SLC35F4: variants seen among roughly 807,000 people sequenced by gnomAD.
SLC35F4 encodes the protein chromosome 14 open reading frame 36.
Under a neutral mutation model 44.2 loss-of-function variants are expected in SLC35F4, and 24 were observed. The observed-to-expected ratio is 0.54, with a 90% confidence interval of 0.39 to 0.76. SLC35F4 has a LOEUF of 0.76. Among genes scored for constraint, SLC35F4 ranks in the 30% least tolerant of loss-of-function variants. The pLI, the probability that SLC35F4 is intolerant of heterozygous loss-of-function variation, is 0.00. For synonymous variants in SLC35F4, 238 were observed against 223.6 expected, an observed-to-expected ratio of 1.06 and a Z score of -0.57; for missense variants, 562 against 586.1, an observed-to-expected ratio of 0.96 and a Z score of 0.42.
At chr14:57,685,106 T>C (rs62005173) in intron 1 of SLC35F4, among the ~76,000 whole-genome samples, 9,305 of 152,246 alleles carry the variant, frequency 0.061, 432 homozygotes, top group South Asian at 0.098. Context: ...TTTTTATCAA[T>C]GCCAGAAGAA....
intron 1 of SLC35F4, among the ~76,000 whole-genome samples, chr14:57,657,329 C>A (rs1022521734): frequency 6.6e-6 from 1 of 152,204 alleles, no homozygotes; most frequent in African/African-American, 2.4e-5. Flanking sequence ...TTGAACATAA[C>A]TTTCCAGCAC....
chr14:57,776,571 T>C (rs11158175), intron 1 of SLC35F4, among the ~76,000 whole-genome samples: 75,132 of 149,156 alleles, frequency 0.5, 22,076 homozygotes, highest in African/African-American at 0.81. Flanking sequence ...GAGGCTGAGG[T>C]CAGAGAATCG....
Position 57,581,450 on chromosome 14 carries a change from A to T in SLC35F4, c.588-17T>A. The T allele has an allele frequency of 6.3e-7, 1 of 1,591,792 alleles. No homozygotes were observed. ...CTGCATTCCCTAGGAAAGAAAAGAGAAGTTAATATCCAGGTACTGATGGTG... is the reference window on the plus strand; with the variant it reads ...CTGCATTCCCTAGGAAAGAAAAGAGTAGTTAATATCCAGGTACTGATGGTG... On this transcript the variant is annotated splice_polypyrimidine_tract_variant and intron_variant, in intron 3 of 7. Coordinates refer to ENST00000556826, the MANE Select transcript of SLC35F4 (RefSeq NM_001306087.2).
In SLC35F4 at chr14:57,616,300, G is replaced by A. The variant is rs536869262; in HGVS notation, c.104-22176C>T. Among the ~76,000 whole-genome samples the A allele has an allele frequency of 1.1e-3, 160 of 152,260 alleles. 2 individuals are homozygous for A. Among genetic ancestry groups the A allele is most frequent in the African/African-American group, 3.8e-3 (156 of 41,536 alleles). On this transcript the variant is annotated intron_variant, in intron 1 of 7. Transcript: ENST00000556826. The stretch of plus-strand genomic sequence containing the variant: ...ATACCATCTTAGCGTGGTAGTAAGG[G>A]TATAATTTTCCAGAATTATGAAGGG...
At chr14:57,814,735 C>T (rs1882366270) in intron 1 of SLC35F4, among the ~76,000 whole-genome samples, 1 of 152,120 alleles carries the variant, frequency 6.6e-6, no homozygotes, top group African/African-American at 2.4e-5. Context: ...GTTTGAAGCA[C>T]TGATTGTCAT....
intron 1 of SLC35F4, among the ~76,000 whole-genome samples, chr14:57,749,162 G>T (rs1250429624): frequency 6.6e-6 from 1 of 152,134 alleles, no homozygotes; most frequent in Non-Finnish European, 1.5e-5. Context: ...GTAGAAACAG[G>T]TTGGTATGAA....
intron 7 of SLC35F4, among the ~76,000 whole-genome samples, chr14:57,565,770 A>ATAATG (rs1186621680): frequency 6.6e-6 from 1 of 152,342 alleles, no homozygotes; most frequent in East Asian, 1.9e-4. Context: ...TAAGAGAATA[A>ATAATG]TAATGTATTT....
chr14:57,914,687 ATAAAACAT>A (rs1263538018), intron 1 of SLC35F4, among the ~76,000 whole-genome samples: 1 of 152,224 alleles, frequency 6.6e-6, no homozygotes, highest in Non-Finnish European at 1.5e-5. Flanking sequence ...TACAATGGCA[ATAAAACAT>A]TAAGTCTTAA....
intron 1 of SLC35F4, among the ~76,000 whole-genome samples, chr14:57,749,843 T>C (rs1159894670): frequency 6.6e-6 from 1 of 152,232 alleles, no homozygotes; most frequent in Non-Finnish European, 1.5e-5. Flanking sequence ...TTAATATTCA[T>C]TCCCAAGTAT....
chr14:57,574,285 T>TAGTG (rs1315497937), intron 4 of SLC35F4, among the ~76,000 whole-genome samples: 2 of 152,196 alleles, frequency 1.3e-5, no homozygotes, highest in African/African-American at 4.8e-5. Context: ...ATTATAACCA[T>TAGTG]AGTGAGCCTC....
chr14:57,820,455 CG>C (rs1566880750), intron 1 of SLC35F4, among the ~76,000 whole-genome samples: 2 of 151,598 alleles, frequency 1.3e-5, no homozygotes, highest in African/African-American at 4.9e-5. Context: ...CATGCCACAG[CG>C]GAGAAAAAAT....
At chr14:57,664,478 G>A (rs980057447) in intron 1 of SLC35F4, among the ~76,000 whole-genome samples, 23 of 151,962 alleles carry the variant, frequency 1.5e-4, no homozygotes, top group South Asian at 4.2e-4. Flanking sequence ...GCACGATCTC[G>A]GCTCACTGCA....
intron 1 of SLC35F4, among the ~76,000 whole-genome samples, chr14:57,809,000 C>T (rs1015583189): frequency 6.6e-6 from 1 of 152,168 alleles, no homozygotes; most frequent in African/African-American, 2.4e-5. Flanking sequence ...TCTGAGTTTA[C>T]ATAGTGGCAT....
rs1426022038 is a variant in SLC35F4, at chr14:57,724,239, C to T, written c.104-130115G>A. 2.6e-5 allele frequency among the ~76,000 whole-genome samples: 4 copies of T among 152,178 alleles called. 1 individual carries two copies. Among genetic ancestry groups the T allele is most frequent in the Non-Finnish European group, 4.4e-5 (3 of 68,036 alleles). ...ACTTGGGCCATTTGACCCAGCAGATCCAATGGTGCTTGAGGTTTCAGTGGC... is the reference window on the plus strand; with the variant it reads ...ACTTGGGCCATTTGACCCAGCAGATTCAATGGTGCTTGAGGTTTCAGTGGC... On this transcript the variant is annotated intron_variant, in intron 1 of 7. Coordinates refer to ENST00000556826, the MANE Select transcript of SLC35F4 (RefSeq NM_001306087.2).
chr14:57,591,151 G>A (rs373763331), intron 2 of SLC35F4, among the ~76,000 whole-genome samples: 54 of 152,318 alleles, frequency 3.5e-4, no homozygotes, highest in African/African-American at 1.2e-3. Context: ...TCTACCAGGC[G>A]CTAGTTAGCT....
chr14:57,756,150 T>C (rs889807124), intron 1 of SLC35F4, among the ~76,000 whole-genome samples: 3 of 152,242 alleles, frequency 2.0e-5, no homozygotes, highest in African/African-American at 7.2e-5. Context: ...TTTTCTAGTC[T>C]CTTAAGATGG....
intron 1 of SLC35F4, among the ~76,000 whole-genome samples, chr14:57,680,053 T>A (rs1192970232): frequency 1.3e-5 from 2 of 152,010 alleles, no homozygotes; most frequent in East Asian, 3.8e-4. Context: ...TACCAAAACC[T>A]GGCAGAGACC....
At chr14:57,811,344 G>A (rs542881922) in intron 1 of SLC35F4, among the ~76,000 whole-genome samples, 74 of 152,182 alleles carry the variant, frequency 4.9e-4, no homozygotes, top group African/African-American at 1.6e-3. Context: ...CAATTGTCTC[G>A]GCTCTAGAAT....
At chr14:57,598,529 A>T (rs184576152) in intron 1 of SLC35F4, among the ~76,000 whole-genome samples, 27 of 152,364 alleles carry the variant, frequency 1.8e-4, no homozygotes, top group African/African-American at 5.8e-4. Flanking sequence ...ACAACTTGAA[A>T]AGCCAAGCTG....
Sources: gnomAD v4.1 joint callset for allele counts (sites outside exome capture counted in the v4.1 genomes callset) on GRCh38, gnomAD v4.1.1 for gene constraint, MANE v1.5 for transcripts, NCBI Gene and HGNC (gene_info 2026-07-23, HGNC 2026-07-21) for gene names.